PHACTR4: variants seen among roughly 807,000 people sequenced by gnomAD.
PHACTR4 encodes protein phosphatase 1, regulatory subunit 124.
PHACTR4 carries 51 observed loss-of-function variants against 72.7 expected under a neutral mutation model. That is an observed-to-expected ratio of 0.70 (90% CI 0.56 to 0.89). PHACTR4 has a LOEUF of 0.89. Among genes scored for constraint, PHACTR4 ranks in the 40% least tolerant of loss-of-function variants. The probability of loss-of-function intolerance (pLI) is 0.00; values close to 1 mark genes in which losing one functional copy is unlikely to be tolerated. For missense variants in PHACTR4, 731 were observed against 861.8 expected (o/e 0.85, Z 1.90); for synonymous variants, 255 against 302.5 (o/e 0.84, Z 1.63).
At chr1:28,381,613 C>A (rs1351305027) in intron 1 of PHACTR4, among the ~76,000 whole-genome samples, 2 of 151,736 alleles carry the variant, frequency 1.3e-5, no homozygotes, top group Non-Finnish European at 2.9e-5. Flanking sequence ...TATTTTTTTA[C>A]TTTTTAATAC....
At chr1:28,371,060 T>C (rs1348444607) in intron 1 of PHACTR4, among the ~76,000 whole-genome samples, 1 of 152,236 alleles carries the variant, frequency 6.6e-6, no homozygotes, top group Non-Finnish European at 1.5e-5. Flanking sequence ...TAACTGTGTA[T>C]GTCCTCCTGT....
At chr1:28,466,893 G>T (rs1659216834) in intron 6 of PHACTR4, 125 bp downstream of exon 6, 2 of 1,365,202 alleles carry the variant, frequency 1.5e-6, no homozygotes, top group Non-Finnish European at 1.0e-6. Flanking sequence ...CCCTTTGAAT[G>T]ACCTCAATAT....
At chr1:28,381,695 G>A (rs1305258330) in intron 1 of PHACTR4, among the ~76,000 whole-genome samples, 1 of 152,132 alleles carries the variant, frequency 6.6e-6, no homozygotes, top group African/African-American at 2.4e-5. Flanking sequence ...GGTCAGTGAT[G>A]TTGAGCTTTT....
intron 2 of PHACTR4, among the ~76,000 whole-genome samples, chr1:28,414,102 G>A (rs922983013): frequency 1.3e-5 from 2 of 152,016 alleles, no homozygotes; most frequent in Non-Finnish European, 2.9e-5. Flanking sequence ...TTGAGATGGA[G>A]TCTTGCTCTG....
At chr1:28,435,805 G>A (rs1240232541) in intron 2 of PHACTR4, among the ~76,000 whole-genome samples, 4 of 152,166 alleles carry the variant, frequency 2.6e-5, no homozygotes, top group African/African-American at 9.7e-5. Flanking sequence ...GCAATGCATT[G>A]CCACCTTTTG....
chr1:28,425,570 A>G (rs1048430469), intron 2 of PHACTR4, among the ~76,000 whole-genome samples: 1 of 152,238 alleles, frequency 6.6e-6, no homozygotes, highest in Non-Finnish European at 1.5e-5. Flanking sequence ...AATGAAGGCT[A>G]TATTCTCCTA....
Position 28,474,030 on chromosome 1 carries a change from A to G in PHACTR4, c.1300A>G (p.Ile434Val). The G allele has an allele frequency of 6.2e-7, 1 of 1,614,122 alleles. No homozygotes were observed. The highest frequency in any genetic ancestry group is 8.5e-7 in the Non-Finnish European group (1 of 1,180,036). Residue 434 changes from isoleucine to valine, a missense_variant, in exon 7 of 14, where the codon ATT (isoleucine) becomes GTT (valine). Coordinates refer to ENST00000373839, the MANE Select transcript of PHACTR4 (RefSeq NM_001048183.3). ...ALTSPLPMTPILEGSHRAHSL... is the reference protein window; with the variant it reads ...ALTSPLPMTPVLEGSHRAHSL... Reference sequence around the variant, plus strand: ...CACCAGCCCACTTCCCATGACTCCTATTCTGGAGGGTTCTCACAGAGCTCA... The same window carrying G: ...CACCAGCCCACTTCCCATGACTCCTGTTCTGGAGGGTTCTCACAGAGCTCA...
Position 28,473,668 on chromosome 1 carries a change from C to T in PHACTR4, c.938C>T (p.Ala313Val), listed in dbSNP as rs765130131. ...GTACCCACCTTGGAGTCTGCTGCTGCCATCACCACAAAAACACCAAGTGAT... is the reference window on the plus strand; with the variant it reads ...GTACCCACCTTGGAGTCTGCTGCTGTCATCACCACAAAAACACCAAGTGAT... ...TSVPTLESAAAITTKTPSDER... is the reference protein window; with the variant it reads ...TSVPTLESAAVITTKTPSDER... Residue 313 changes from alanine (A) to valine (V), a missense_variant, in exon 7 of 14, where the codon GCC (alanine) becomes GTC (valine). By Grantham distance (64) the Ala-to-Val change is moderately conservative. Transcript: ENST00000373839. 1.1e-5 allele frequency: 18 copies of T among 1,614,078 alleles called. No homozygotes were observed. The highest frequency in any genetic ancestry group is 1.3e-5 in the Non-Finnish European group (15 of 1,179,988).
chr1:28,439,157 G>C (rs976967164), intron 2 of PHACTR4, among the ~76,000 whole-genome samples: 1 of 152,120 alleles, frequency 6.6e-6, no homozygotes, highest in Non-Finnish European at 1.5e-5. Context: ...GTTCATTAAA[G>C]GGTTGCTTAA....
chr1:28,438,329 A>T lies in PHACTR4; in HGVS notation c.17-20756A>T, dbSNP rs375726651. ...TTATGTGGATTTATCTTTTATGAAA[A>T]GTTTGCTTTTGTCCGGGACAGTTTG... On this transcript the variant is annotated intron_variant, in intron 2 of 13. Transcript: ENST00000373839. The T allele has an allele frequency of 5.7e-6, 9 of 1,586,594 alleles. No homozygotes were observed. In the African/African-American group the frequency reaches 1.2e-4, roughly 22 times the overall value.
At chr1:28,384,885 C>CT (rs1397705988) in intron 1 of PHACTR4, among the ~76,000 whole-genome samples, 1 of 152,072 alleles carries the variant, frequency 6.6e-6, no homozygotes, top group African/African-American at 2.4e-5. Flanking sequence ...GAGTGAGACT[C>CT]TATCTCAAAA....
chr1:28,471,521 CTTT>C (rs71675377), intron 6 of PHACTR4, among the ~76,000 whole-genome samples: 2 of 143,144 alleles, frequency 1.4e-5, no homozygotes, highest in Non-Finnish European at 3.1e-5. Flanking sequence ...AAAAGAACTA[CTTT>C]TTTTTTTTTT....
In PHACTR4 at chr1:28,474,128, C is replaced by G. The variant is rs1463085065; in HGVS notation, c.1398C>G (p.Pro466=). 1 of 1,612,886 alleles carries G rather than the reference C, an allele frequency of 6.2e-7. No homozygotes were observed. ...SSTLGRTRSL[P]ITIEMLKVPD... ...CGCTGGGTCGGACCAGGTCTCTTCCCATCACTATTGAAATGCTAAAAGTGT... is the reference window on the plus strand; with the variant it reads ...CGCTGGGTCGGACCAGGTCTCTTCCGATCACTATTGAAATGCTAAAAGTGT... Residue 466 remains proline, a synonymous_variant, in exon 7 of 14, where the codon CCC becomes CCG. Transcript: ENST00000373839.
intron 1 of PHACTR4, among the ~76,000 whole-genome samples, chr1:28,375,052 A>G (rs1257695719): frequency 1.3e-5 from 2 of 151,966 alleles, no homozygotes; most frequent in Non-Finnish European, 2.9e-5. Context: ...TAATCCCAGC[A>G]CTCTGGGAGG....
chr1:28,448,757 A>G (rs182104057), intron 2 of PHACTR4, among the ~76,000 whole-genome samples: 6,931 of 92,796 alleles, frequency 0.075, 643 homozygotes, highest in African/African-American at 0.24. Flanking sequence ...GCGAGACTCC[A>G]TCTCAAAAAA....
At position 28,455,800 on chromosome 1, in the gene PHACTR4, G is replaced by A. The variant is rs184456331; in HGVS notation, c.17-3285G>A. Among the ~76,000 whole-genome samples, 592 of 152,262 alleles carry A rather than the reference G, an allele frequency of 3.9e-3. 3 individuals carry two copies. The highest frequency in any genetic ancestry group is 0.013 in the African/African-American group (544 of 41,552). On this transcript the variant is annotated intron_variant, in intron 2 of 13. Transcript: ENST00000373839. The stretch of plus-strand genomic sequence containing the variant: ...GAGTAGGAAAAAGAGGGGAAGGAAG[G>A]AGGGAGAATATGAGGATATGAATAT...
At chr1:28,392,311 G>A (rs1463299686) in intron 1 of PHACTR4, among the ~76,000 whole-genome samples, 3 of 152,008 alleles carry the variant, frequency 2.0e-5, no homozygotes, top group Admixed American at 1.3e-4. Context: ...TGCAGGGCTC[G>A]TGTTCAAGTA....
chr1:28,436,992 GCAGATTTT>G (rs1260233386), intron 2 of PHACTR4, among the ~76,000 whole-genome samples: 1 of 152,076 alleles, frequency 6.6e-6, no homozygotes, highest in African/African-American at 2.4e-5. Context: ...GTTTTAGTAA[GCAGATTTT>G]CAGAAATATT....
chr1:28,456,561 T>A (rs1358154696), intron 2 of PHACTR4, among the ~76,000 whole-genome samples: 2 of 151,886 alleles, frequency 1.3e-5, no homozygotes, highest in African/African-American at 2.4e-5. Context: ...CCTGCTGAGC[T>A]CAAGCGATCT....
Sources: gnomAD v4.1 joint callset for allele counts (sites outside exome capture counted in the v4.1 genomes callset) on GRCh38, gnomAD v4.1.1 for gene constraint, MANE v1.5 for transcripts, NCBI Gene and HGNC (gene_info 2026-07-23, HGNC 2026-07-21) for gene names.